Variants in MAPK10 observed in about 807,000 individuals in gnomAD.
The protein encoded by MAPK10 is JNK3 alpha protein kinase.
A neutral mutation model predicts 59.3 loss-of-function variants in MAPK10; 25 were observed. That is an observed-to-expected ratio of 0.42 (90% CI 0.31 to 0.59). The LOEUF (loss-of-function observed/expected upper bound fraction) is 0.59. MAPK10 is among the 20% of genes least tolerant of loss of function. The pLI, the probability that MAPK10 is intolerant of heterozygous loss-of-function variation, is 0.15. For synonymous variants in MAPK10, 190 were observed against 200.5 expected (o/e 0.95, Z 0.44); for missense variants, 351 against 568.9 (o/e 0.62, Z 3.90).
chr4:86,485,753 G>A (rs1344188098), intron 1 of MAPK10, among the ~76,000 whole-genome samples: 1 of 152,186 alleles, frequency 6.6e-6, no homozygotes, highest in African/African-American at 2.4e-5. Flanking sequence ...GATAATTACA[G>A]TTACACAGGC....
intron 2 of MAPK10, among the ~76,000 whole-genome samples, chr4:86,279,462 G>C (rs1330010273): frequency 2.0e-5 from 3 of 152,082 alleles, no homozygotes; most frequent in African/African-American, 7.2e-5. Flanking sequence ...TTTCTTTATG[G>C]TACAAACAGG....
chr4:86,294,811 G>T (rs1014163702), intron 2 of MAPK10, among the ~76,000 whole-genome samples: 2 of 152,186 alleles, frequency 1.3e-5, no homozygotes, highest in African/African-American at 4.8e-5. Flanking sequence ...AAGAGAAAGA[G>T]CTCCGGAAAC....
intron 2 of MAPK10, among the ~76,000 whole-genome samples, chr4:86,330,775 T>G (rs1403195022): frequency 1.3e-5 from 2 of 152,184 alleles, no homozygotes; most frequent in African/African-American, 4.8e-5. Flanking sequence ...TGAGAACCGA[T>G]TAATACAAGA....
intron 2 of MAPK10, among the ~76,000 whole-genome samples, chr4:86,318,779 A>G (rs2095837935): frequency 6.6e-6 from 1 of 152,138 alleles, no homozygotes; most frequent in South Asian, 2.1e-4. Context: ...ATAAATTAAT[A>G]ATTTATATTA....
At chr4:86,482,653 T>G (rs552821276) in intron 1 of MAPK10, among the ~76,000 whole-genome samples, 3 of 152,142 alleles carry the variant, frequency 2.0e-5, no homozygotes, top group Admixed American at 6.6e-5. Flanking sequence ...CATCTATGAA[T>G]TATGAAGGAC....
rs111439417 is a variant in MAPK10 at position 86,523,099 on chromosome 4, T to C, written c.-263+70811A>G. Among the ~76,000 whole-genome samples the C allele has an allele frequency of 7.3e-3, 1,117 of 152,334 alleles. 19 individuals carry two copies. The highest frequency in any genetic ancestry group is 0.025 in the African/African-American group (1,030 of 41,570). On this transcript the variant is annotated intron_variant, in intron 1 of 4. Coordinates refer to the MAPK10 transcript ENST00000502302. ...AATTTCTAATTTTTCATATCATTCA[T>C]TCTACTACACTTATATTGATATTAT...
At chr4:86,449,457 A>G (rs532716973) in intron 1 of MAPK10, among the ~76,000 whole-genome samples, 1 of 152,308 alleles carries the variant, frequency 6.6e-6, no homozygotes, top group Admixed American at 6.5e-5. Flanking sequence ...TTTCAATAAT[A>G]TATTTCTTTA....
intron 11 of MAPK10, among the ~76,000 whole-genome samples, chr4:86,035,453 G>A (rs558535406): frequency 2.0e-5 from 3 of 149,066 alleles, no homozygotes; most frequent in South Asian, 2.1e-4. Flanking sequence ...AGGAATGTAA[G>A]AGAACGGAAC....
chr4:86,441,008 T>C (rs1314972239), intron 1 of MAPK10, among the ~76,000 whole-genome samples: 1 of 152,216 alleles, frequency 6.6e-6, no homozygotes, highest in Non-Finnish European at 1.5e-5. Flanking sequence ...TAATTATTAA[T>C]AGTGATGGAT....
intron 9 of MAPK10, among the ~76,000 whole-genome samples, chr4:86,078,591 G>GTATA (rs112023213): frequency 0.02 from 2,923 of 147,826 alleles, 87 homozygotes; most frequent in African/African-American, 0.065. Flanking sequence ...AAATACATAT[G>GTATA]TATATATATA....
intron 1 of MAPK10, among the ~76,000 whole-genome samples, chr4:86,545,747 T>C (rs1759100032): frequency 6.6e-6 from 1 of 152,192 alleles, no homozygotes; most frequent in African/African-American, 2.4e-5. Context: ...CAAATACTGG[T>C]GTAGCTTCAA....
intron 4 of MAPK10, among the ~76,000 whole-genome samples, chr4:86,120,761 G>C (rs1404661698): frequency 6.6e-6 from 1 of 152,046 alleles, no homozygotes; most frequent in African/African-American, 2.4e-5. Context: ...AAGCTGCCAG[G>C]CTGCCAATTG....
At chr4:86,356,641 A>T (rs934379419) in intron 1 of MAPK10, 1 of 155,636 alleles carries the variant, frequency 6.4e-6, no homozygotes, top group Non-Finnish European at 1.4e-5. Context: ...TCAAAACCTT[A>T]CAACTTCACT....
chr4:86,100,343 C>T (rs2055109678), intron 8 of MAPK10: 1 of 152,114 alleles, frequency 6.6e-6, no homozygotes, highest in Non-Finnish European at 1.5e-5. Flanking sequence ...ATCAACTACA[C>T]TCAATTGTGA....
intron 3 of MAPK10, among the ~76,000 whole-genome samples, chr4:86,172,470 G>A (rs976531083): frequency 4.8e-4 from 73 of 150,546 alleles, no homozygotes; most frequent in Non-Finnish European, 5.5e-4. Context: ...AAACTATTGC[G>A]AGGACAAAAA....
chr4:86,346,090 A>G (rs926020863), intron 2 of MAPK10, among the ~76,000 whole-genome samples: 10 of 152,222 alleles, frequency 6.6e-5, no homozygotes, highest in Admixed American at 2.6e-4. Flanking sequence ...AGACATCTAT[A>G]CAAAGGACCA....
intron 2 of MAPK10, among the ~76,000 whole-genome samples, chr4:86,247,041 G>C (rs1222580611): frequency 1.3e-5 from 2 of 152,208 alleles, no homozygotes; most frequent in African/African-American, 4.8e-5. Context: ...CAGCCAGAGA[G>C]AATAAGGATG....
At chr4:86,401,561 A>G (rs1743733505) in intron 1 of MAPK10, among the ~76,000 whole-genome samples, 1 of 152,168 alleles carries the variant, frequency 6.6e-6, no homozygotes, top group African/African-American at 2.4e-5. Flanking sequence ...AGGAGCTGAT[A>G]TGTTTTATTC....
At chr4:86,589,577 G>C (rs1451761545) in intron 1 of MAPK10, among the ~76,000 whole-genome samples, 1 of 152,008 alleles carries the variant, frequency 6.6e-6, no homozygotes, top group East Asian at 1.9e-4. Context: ...AGCTATTCGG[G>C]AGGCTGAGGC....
Sources: allele counts gnomAD v4.1 joint callset (sites outside exome capture counted in the v4.1 genomes callset), GRCh38; gene constraint gnomAD v4.1.1; transcripts MANE v1.5; gene names NCBI Gene and HGNC (gene_info 2026-07-23, HGNC 2026-07-21).